The following CCDC141 variants were observed in gnomAD, a reference collection of about 807,000 sequenced individuals.
The protein encoded by CCDC141 is coiled-coil domain containing 141, also known as coiled-coil domain-containing protein 141.
A neutral mutation model predicts 181.0 loss-of-function variants in CCDC141; 168 were observed. The observed-to-expected ratio is 0.93, with a 90% CI of 0.82 to 1.05. The LOEUF (loss-of-function observed/expected upper bound fraction) is 1.05, where lower values mean the gene tolerates loss of function less well. Among genes scored for constraint, CCDC141 ranks in the 50% least tolerant of loss-of-function variants. The pLI, the probability that CCDC141 is intolerant of heterozygous loss-of-function variation, is 0.00. For synonymous variants in CCDC141, 666 were observed against 642.3 expected (o/e 1.04, Z -0.56); for missense variants, 1,902 against 1,788.5 (o/e 1.06, Z -1.14).
chr2:179,014,992 T>TTCACAA (rs150847163), intron 2 of CCDC141, among the ~76,000 whole-genome samples: 6,413 of 144,992 alleles, frequency 0.044, 162 homozygotes, highest in African/African-American at 0.062. Context: ...AGCAGCACAA[T>TTCACAA]TCACAGTTGC....
chr2:178,978,677 T>C lies in CCDC141; in HGVS notation c.226-2A>G. 1 of 1,523,458 alleles carries C rather than the reference T, an allele frequency of 6.6e-7. No homozygotes were observed. The highest frequency in any genetic ancestry group is 8.8e-7 in the Non-Finnish European group (1 of 1,135,050). The allele number at this position is 1,523,458 out of a possible 1,614,324, so 94.4% of individuals were successfully genotyped here. On this transcript the variant is annotated splice_acceptor_variant, in intron 2 of 23. Transcript: ENST00000443758. LOFTEE classifies it high-confidence loss of function. ...TTCCCATACCCGATCTTCCAAAGCC[T>C]AAGTACAAAAGAAAAAGGCATAAGG... is the stretch of plus-strand genomic sequence containing the variant.
intron 7 of CCDC141, among the ~76,000 whole-genome samples, chr2:178,916,551 A>G (rs558067383): frequency 6.6e-6 from 1 of 152,122 alleles, no homozygotes; most frequent in South Asian, 2.1e-4. Context: ...ACTTAATAAC[A>G]TAGTAAAAAA....
intron 2 of CCDC141, among the ~76,000 whole-genome samples, chr2:179,004,837 C>T (rs2042078738): frequency 6.6e-6 from 1 of 152,142 alleles, no homozygotes; most frequent in Admixed American, 6.5e-5. Flanking sequence ...TTCAAGCCAT[C>T]CTCCTGCCTC....
Position 178,853,613 on chromosome 2 carries a change from C to T in CCDC141, c.3072G>A (p.Trp1024Ter), listed in dbSNP as rs1460432410. 1 of 1,610,184 alleles carries T rather than the reference C, an allele frequency of 6.2e-7. No individual in the cohort carries two copies. Among genetic ancestry groups the T allele is most frequent in the Non-Finnish European group, 8.5e-7 (1 of 1,178,000 alleles). ...CAACTGTGGCACTTGCATCTTCGTA[C>T]CAAAAATGACACTAAATTTAAATGG... ...FQEVIEECHF[W>*]YEDASATVVR... The change falls in exon 20 of 24, where the codon TGG becomes TGA. Residue 1024 changes from tryptophan to a stop codon, truncating the protein, a stop_gained. Transcript: ENST00000443758. LOFTEE classifies it high-confidence loss of function.
At chr2:178,978,273 T>C (rs376588904) in intron 3 of CCDC141, among the ~76,000 whole-genome samples, 5 of 152,288 alleles carry the variant, frequency 3.3e-5, no homozygotes, top group African/African-American at 9.6e-5. Flanking sequence ...TATTTAACTG[T>C]ACTTTGTTTT....
chr2:178,862,297 G>A (rs759532290), intron 17 of CCDC141, among the ~76,000 whole-genome samples: 9 of 152,178 alleles, frequency 5.9e-5, no homozygotes, highest in Non-Finnish European at 1.0e-4. Context: ...TGGAAAACTT[G>A]AGAACACGGA....
chr2:178,852,480 C>T (rs1005924618), intron 20 of CCDC141, among the ~76,000 whole-genome samples: 1 of 152,150 alleles, frequency 6.6e-6, no homozygotes, highest in African/African-American at 2.4e-5. Flanking sequence ...AAGATGTCAC[C>T]TTAGTTTCCA....
intron 22 of CCDC141, among the ~76,000 whole-genome samples, chr2:178,838,299 T>C (rs1684575996): frequency 6.6e-6 from 1 of 152,230 alleles, no homozygotes; most frequent in Non-Finnish European, 1.5e-5. Context: ...CTCAGTGGCA[T>C]TAAGTGCATT....
In CCDC141 at chr2:179,027,274, T is replaced by C. The variant is rs2042873387; in HGVS notation, c.225+20010A>G. On this transcript the variant is annotated intron_variant, in intron 2 of 23. Transcript: ENST00000443758. ...TGGGAGGAACCCAGTGGGAAGTGAT[T>C]GCATTATGAAGGCAGGTCTTTCCTG... Among the ~76,000 whole-genome samples the C allele has an allele frequency of 2.0e-5, 3 of 152,192 alleles. No individual in the cohort carries two copies. The South Asian group carries it at 6.2e-4, about 31-fold the overall frequency.
intron 1 of CCDC141, among the ~76,000 whole-genome samples, chr2:179,048,658 C>T (rs1017662938): frequency 2.0e-5 from 3 of 152,144 alleles, no homozygotes; most frequent in African/African-American, 7.2e-5. Context: ...GATCTGTTTG[C>T]CCTACTTCTG....
At position 178,905,376 on chromosome 2, in the gene CCDC141, A is replaced by G. The variant is rs1250849171; in HGVS notation, c.1218T>C (p.Asp406=). 6 of 1,550,582 alleles carry G rather than the reference A, an allele frequency of 3.9e-6. No homozygotes were observed. Among genetic ancestry groups the G allele is most frequent in the Non-Finnish European group, 5.2e-6 (6 of 1,146,922 alleles). ...TTAAGGTTTGTCCCTTTTGCAAAGC[A>G]TCAGTTGTGCAGTCTTTAATTTTTC... ...LHRKIKDCTT[D]ALQKGQTLIS... is the part of the protein sequence containing the mutation. Residue 406 remains aspartate, a synonymous_variant, in exon 8 of 24, where the codon GAT becomes GAC. Transcript: ENST00000443758.
chr2:178,978,742 T>A, intron 2 of CCDC141, 67 bp from the exon 3 acceptor site: 1 of 1,220,132 alleles, frequency 8.2e-7, no homozygotes, highest in Non-Finnish European at 1.1e-6. Flanking sequence ...GATCACATTT[T>A]AAACACTTGG....
chr2:179,028,805 A>G (rs2042925973), intron 2 of CCDC141, among the ~76,000 whole-genome samples: 1 of 152,218 alleles, frequency 6.6e-6, no homozygotes, highest in Non-Finnish European at 1.5e-5. Flanking sequence ...ACCCCAGTCT[A>G]AATTCCAACG....
chr2:178,922,112 G>C (rs905849691), intron 6 of CCDC141, among the ~76,000 whole-genome samples: 18 of 152,192 alleles, frequency 1.2e-4, no homozygotes, highest in Non-Finnish European at 1.9e-4. Flanking sequence ...TGCGTGCTCA[G>C]TCTAACAACA....
intron 8 of CCDC141, among the ~76,000 whole-genome samples, chr2:178,897,255 C>A (rs182122127): frequency 1.3e-5 from 2 of 152,302 alleles, no homozygotes; most frequent in African/African-American, 4.8e-5. Flanking sequence ...AACATGGACA[C>A]TTCACCTGTC....
intron 16 of CCDC141, among the ~76,000 whole-genome samples, chr2:178,867,673 A>G (rs1472146109): frequency 6.6e-6 from 1 of 152,216 alleles, no homozygotes; most frequent in Non-Finnish European, 1.5e-5. Flanking sequence ...ATTTATATTT[A>G]AATTAATGCA....
chr2:178,842,113 A>C (rs1208027574), intron 22 of CCDC141, among the ~76,000 whole-genome samples: 3 of 152,220 alleles, frequency 2.0e-5, no homozygotes, highest in Admixed American at 6.5e-5. Flanking sequence ...GAAAAGTTTA[A>C]ATAAATTTAT....
chr2:178,966,434 C>G (rs1418569137), intron 4 of CCDC141, among the ~76,000 whole-genome samples: 1 of 152,142 alleles, frequency 6.6e-6, no homozygotes, highest in Non-Finnish European at 1.5e-5. Flanking sequence ...AGGTGGCAGT[C>G]TTTGCTGTTC....
intron 6 of CCDC141, among the ~76,000 whole-genome samples, chr2:178,923,266 G>A (rs1319087574): frequency 1.3e-5 from 2 of 151,282 alleles, no homozygotes; most frequent in African/African-American, 2.4e-5. Flanking sequence ...CACTACGCCC[G>A]GCTAATTTTT....
Sources: gnomAD v4.1 joint callset for allele counts (sites outside exome capture counted in the v4.1 genomes callset) on GRCh38, gnomAD v4.1.1 for gene constraint, MANE v1.5 for transcripts, NCBI Gene and HGNC (gene_info 2026-07-23, HGNC 2026-07-21) for gene names.